The following CD2AP variants were observed in gnomAD, a reference collection of about 807,000 sequenced individuals.
CD2AP encodes the protein CD2-associated protein.
Under a neutral mutation model 85.1 loss-of-function variants are expected in CD2AP, and 46 were observed. That is an observed-to-expected ratio of 0.54 (90% CI 0.43 to 0.69). The LOEUF is 0.69. Ranked by LOEUF, CD2AP falls within the 30% of genes least tolerant of loss-of-function variation. The pLI is 0.00. For synonymous variants in CD2AP, 255 were observed against 252.9 expected (o/e 1.01, Z -0.08); for missense variants, 769 against 729.5 (o/e 1.05, Z -0.62).
intron 11 of CD2AP, among the ~76,000 whole-genome samples, chr6:47,589,394 A>AC (rs70999637): frequency 3.0e-4 from 45 of 151,536 alleles, no homozygotes; most frequent in Non-Finnish European, 5.2e-4. Context: ...ACACACACAC[A>AC]AATGTATATA....
intron 13 of CD2AP, among the ~76,000 whole-genome samples, chr6:47,601,636 G>A (rs532324296): frequency 1.3e-4 from 20 of 151,866 alleles, no homozygotes; most frequent in Non-Finnish European, 2.4e-4. Flanking sequence ...TAAATTAGAC[G>A]ATCATATGTT....
chr6:47,488,630 T>G (rs1262091052), intron 1 of CD2AP, among the ~76,000 whole-genome samples: 1 of 152,032 alleles, frequency 6.6e-6, no homozygotes, highest in Admixed American at 6.6e-5. Context: ...GTGCTCAATA[T>G]TTTTTGATTA....
intron 1 of CD2AP, among the ~76,000 whole-genome samples, chr6:47,502,093 T>G (rs1227483722): frequency 6.6e-6 from 1 of 152,154 alleles, no homozygotes; most frequent in Non-Finnish European, 1.5e-5. Context: ...ATGTGTTAGT[T>G]TGTATCATTC....
At chr6:47,568,201 G>A (rs912235106) in intron 5 of CD2AP, among the ~76,000 whole-genome samples, 3 of 152,214 alleles carry the variant, frequency 2.0e-5, no homozygotes, top group African/African-American at 7.2e-5. Flanking sequence ...CGTTAAAATA[G>A]ATGCCTAGAT....
At chr6:47,549,074 A>G (rs753580188) in intron 4 of CD2AP, among the ~76,000 whole-genome samples, 1 of 152,164 alleles carries the variant, frequency 6.6e-6, no homozygotes, top group Non-Finnish European at 1.5e-5. Context: ...AAAGCCGTCT[A>G]TGCAAAACCA....
intron 2 of CD2AP, among the ~76,000 whole-genome samples, chr6:47,529,932 T>C (rs1486539010): frequency 2.6e-5 from 4 of 152,332 alleles, no homozygotes; most frequent in East Asian, 3.9e-4. Context: ...GCAAATTTAG[T>C]GTTGTCTTCA....
chr6:47,541,499 A>T (rs1767215260), intron 3 of CD2AP, among the ~76,000 whole-genome samples: 1 of 152,218 alleles, frequency 6.6e-6, no homozygotes, highest in African/African-American at 2.4e-5. Context: ...TTGCTTTAGG[A>T]AGGGGAAAAA....
intron 5 of CD2AP, 85 bp downstream of exon 5, chr6:47,554,851 GTTCT>G (rs1337021695): frequency 5.1e-6 from 7 of 1,364,306 alleles, no homozygotes; most frequent in Non-Finnish European, 6.0e-6. Context: ...TTGAAACTCT[GTTCT>G]TTCTTTTGAA....
chr6:47,580,935 T>TAACTGAATAATTTA (rs1325294675), intron 10 of CD2AP, 35 bp downstream of exon 10: 6 of 1,513,264 alleles, frequency 4.0e-6, no homozygotes, highest in Non-Finnish European at 5.5e-6. Context: ...TTTGCTATTT[T>TAACTGAATAATTTA]CCATTTTTTA....
chr6:47,577,043 AGGTACT>A lies in CD2AP; in HGVS notation c.844_849del (p.Gly282_Thr283del), dbSNP rs1305585465. 3 of 1,528,086 alleles carry A rather than the reference AGGTACT, an allele frequency of 2.0e-6. No individual in the cohort carries two copies. Among genetic ancestry groups the A allele is most frequent in the Non-Finnish European group, 2.7e-6 (3 of 1,102,028 alleles). The allele number at this position is 1,528,086 out of a possible 1,614,324, so 94.7% of individuals were successfully genotyped here. A position where few individuals can be genotyped will look rare whatever the true frequency, so the allele number is the denominator to read the frequency against. The stretch of plus-strand genomic sequence containing the variant: ...ATTGTAGAACATTATTTGCCTATGA[AGGTACT>A]AATGAAGATGAACTTACTTTTAAAG... On this transcript the variant is annotated inframe_deletion, in exon 8 of 18. Transcript: ENST00000359314.
intron 17 of CD2AP, among the ~76,000 whole-genome samples, chr6:47,622,084 G>A (rs192039583): frequency 6.6e-6 from 1 of 152,300 alleles, no homozygotes; most frequent in African/African-American, 2.4e-5. Flanking sequence ...GGAGGAATAT[G>A]GCTGCCTATG....
At chr6:47,501,993 C>G (rs913610103) in intron 1 of CD2AP, among the ~76,000 whole-genome samples, 1 of 152,162 alleles carries the variant, frequency 6.6e-6, no homozygotes, top group Non-Finnish European at 1.5e-5. Flanking sequence ...GCATGGCCAG[C>G]TGGATCCTCT....
intron 11 of CD2AP, among the ~76,000 whole-genome samples, chr6:47,594,872 T>G (rs1403549341): frequency 1.3e-5 from 2 of 152,100 alleles, no homozygotes; most frequent in Non-Finnish European, 2.9e-5. Context: ...GGTTTAGCTA[T>G]GTGCTACGAT....
intron 12 of CD2AP, among the ~76,000 whole-genome samples, chr6:47,596,691 G>T (rs1768960798): frequency 6.6e-6 from 1 of 151,850 alleles, no homozygotes; most frequent in Non-Finnish European, 1.5e-5. Context: ...TCCATATTTT[G>T]GCTGTTGTGA....
intron 1 of CD2AP, among the ~76,000 whole-genome samples, chr6:47,492,347 C>CAT (rs1554167732): frequency 2.1e-5 from 2 of 95,522 alleles, no homozygotes; most frequent in Admixed American, 1.3e-4. Context: ...CACCTGTAAT[C>CAT]TTTTTTTTTT....
chr6:47,533,744 A>G lies in CD2AP; in HGVS notation c.308A>G (p.Asn103Ser). The part of the protein sequence containing the change: ...GGIQPHPQTK[N>S]IKKKTKKRQC... ...ATTCAGCCACATCCACAAACCAAAA[A>G]CATTAAGAAGAGTATGTAAATAATT... is the stretch of plus-strand genomic sequence containing the variant. Residue 103 changes from asparagine (N) to serine (S), a missense_variant, in exon 3 of 18, where the codon AAC becomes AGC. Asn to Ser is a conservative substitution (Grantham distance 46, BLOSUM62 1). Coordinates refer to ENST00000359314, the MANE Select transcript of CD2AP (RefSeq NM_012120.3). 1 of 1,613,984 alleles carries G rather than the reference A, an allele frequency of 6.2e-7. No homozygotes were observed. Among genetic ancestry groups the G allele is most frequent in the Non-Finnish European group, 8.5e-7 (1 of 1,179,918 alleles).
chr6:47,580,748 G>A (rs1449753643), intron 9 of CD2AP, 116 bp from the exon 10 acceptor site: 2 of 735,818 alleles, frequency 2.7e-6, no homozygotes, highest in African/African-American at 3.6e-5. Context: ...ATTTTGTCAA[G>A]GATTGAATGA....
intron 2 of CD2AP, among the ~76,000 whole-genome samples, chr6:47,519,268 A>G (rs1265719083): frequency 6.6e-6 from 1 of 152,228 alleles, no homozygotes; most frequent in Non-Finnish European, 1.5e-5. Context: ...ATCTCTGACA[A>G]GATTTGGCCA....
At position 47,503,439 on chromosome 6, in the gene CD2AP, A is replaced by C. The variant is rs151118470; in HGVS notation, c.164A>C (p.Lys55Thr). The change falls in exon 2 of 18, where the codon AAG (lysine) becomes ACG (threonine). Residue 55 changes from lysine to threonine, a missense_variant and splice_region_variant. By Grantham distance (78) the Lys-to-Thr change is moderately conservative (BLOSUM62 -1). Transcript: ENST00000359314. ...RRGMFPDNFV[K>T]EIKRETEFKD... ...GGAATGTTCCCTGACAATTTCGTTAAGGTAAGTATTTTCAGTTAAATTTCT... is the reference window on the plus strand; with the variant it reads ...GGAATGTTCCCTGACAATTTCGTTACGGTAAGTATTTTCAGTTAAATTTCT... The C allele has an allele frequency of 1.0e-4, 161 of 1,613,196 alleles. No homozygotes were observed. The African/African-American group carries it at 1.7e-3, about 17-fold the overall frequency.
Sources: gnomAD v4.1 joint callset for allele counts (sites outside exome capture counted in the v4.1 genomes callset) on GRCh38, gnomAD v4.1.1 for gene constraint, MANE v1.5 for transcripts, NCBI Gene and HGNC (gene_info 2026-07-23, HGNC 2026-07-21) for gene names.